The following CFAP47 variants were observed in gnomAD, a reference collection of about 807,000 sequenced individuals.
The protein encoded by CFAP47 is cilia and flagella associated protein 47.
In CFAP47, 29 loss-of-function variants were observed where a neutral mutation model predicts 148.1. That is an observed-to-expected ratio of 0.20 (90% CI 0.15 to 0.27). CFAP47 has a LOEUF of 0.27. Ranked by LOEUF, CFAP47 falls within the 10% of genes least tolerant of loss-of-function variation. The pLI, the probability that CFAP47 is intolerant of heterozygous loss-of-function variation, is 1.00. For synonymous variants in CFAP47, 664 were observed against 577.3 expected, an observed-to-expected ratio of 1.15 and a Z score of -2.15; for missense variants, 1,872 against 1,697.5, an observed-to-expected ratio of 1.10 and a Z score of -1.81.
chrX:36,176,713 G>A (rs187791398), intron 39 of CFAP47, among the ~76,000 whole-genome samples: 56 of 111,655 alleles, frequency 5.0e-4, no homozygotes, highest in African/African-American at 1.6e-3. Flanking sequence ...AGACCAGCCT[G>A]GCCAACATGG....
intron 49 of CFAP47, among the ~76,000 whole-genome samples, chrX:36,258,099 C>A (rs1172947483): frequency 8.9e-6 from 1 of 112,109 alleles, no homozygotes; most frequent in African/African-American, 3.2e-5. Context: ...CTTAACACAA[C>A]TGTAAACTTT....
intron 57 of CFAP47, among the ~76,000 whole-genome samples, chrX:36,341,390 T>C (rs1941652306): frequency 1.8e-5 from 2 of 111,364 alleles, no homozygotes; most frequent in Admixed American, 9.6e-5. Context: ...CCATTTCTAA[T>C]GCCACAGTAA....
At chrX:36,354,309 G>A (rs782020879) in intron 60 of CFAP47, among the ~76,000 whole-genome samples, 2 of 108,331 alleles carry the variant, frequency 1.8e-5, no homozygotes, top group Non-Finnish European at 3.8e-5. Context: ...GAGAAACCCC[G>A]TCTCTACTAA....
chrX:36,015,558 T>C (rs1937087710), intron 22 of CFAP47, among the ~76,000 whole-genome samples: 1 of 111,517 alleles, frequency 9.0e-6, no homozygotes, highest in Non-Finnish European at 1.9e-5. Flanking sequence ...GGGAGTATCA[T>C]ATCAGTTAAT....
At position 36,219,821 on chromosome X, in the gene CFAP47, T is replaced by C. The variant is rs1940195867; in HGVS notation, c.6818-8807T>C. ...GAACCAATGCACATCTTACACATAT[T>C]GATTGATGTCTCATGTCTCTCTAAA... is the stretch of plus-strand genomic sequence containing the variant. On this transcript the variant is annotated intron_variant, in intron 45 of 63. Coordinates refer to ENST00000378653, the MANE Select transcript of CFAP47 (RefSeq NM_001304548.2). Among the ~76,000 whole-genome samples the C allele has an allele frequency of 2.7e-5, 3 of 111,522 alleles. No individual in the cohort carries two copies. In the Admixed American group the frequency reaches 2.9e-4, roughly 11 times the overall value.
intron 49 of CFAP47, among the ~76,000 whole-genome samples, chrX:36,261,767 C>T (rs1556000148): frequency 9.0e-6 from 1 of 111,436 alleles, no homozygotes; most frequent in East Asian, 2.8e-4. Flanking sequence ...TCTATCTTTT[C>T]CCCACCTTTC....
intron 26 of CFAP47, among the ~76,000 whole-genome samples, chrX:36,057,723 C>T (rs1344199374): frequency 9.0e-6 from 1 of 111,144 alleles, no homozygotes; most frequent in Non-Finnish European, 1.9e-5. Context: ...CTCTGTTATT[C>T]TCTTGGCAAC....
At chrX:36,138,526 C>T (rs940521127) in intron 35 of CFAP47, 62 bp downstream of exon 35, 1 of 1,052,758 alleles carries the variant, frequency 9.5e-7, no homozygotes, top group East Asian at 3.7e-5. Flanking sequence ...ATAGCTTGCT[C>T]ATTTATAATA....
At chrX:36,096,835 C>A (rs1004789708) in intron 30 of CFAP47, among the ~76,000 whole-genome samples, 1 of 111,221 alleles carries the variant, frequency 9.0e-6, no homozygotes, top group Non-Finnish European at 1.9e-5. Context: ...AGTCCATTTA[C>A]ATTCAATGCT....
chrX:36,142,733 G>T (rs989051827), intron 35 of CFAP47, among the ~76,000 whole-genome samples: 4 of 111,160 alleles, frequency 3.6e-5, no homozygotes, highest in Non-Finnish European at 5.7e-5. Flanking sequence ...ATTTTTCAAA[G>T]TTTAGCTTTT....
chrX:36,176,093 C>T (rs895085242), intron 39 of CFAP47, among the ~76,000 whole-genome samples: 1 of 113,179 alleles, frequency 8.8e-6, no homozygotes. Flanking sequence ...CTTTCTTTGA[C>T]TAGGAAAGGG....
At chrX:36,289,584 A>G (rs1556005260) in intron 51 of CFAP47, among the ~76,000 whole-genome samples, 1 of 111,765 alleles carries the variant, frequency 8.9e-6, no homozygotes, top group Non-Finnish European at 1.9e-5. Flanking sequence ...AATATTCTAT[A>G]AAAGTTAGAA....
At chrX:36,270,098 T>A (rs181167601) in intron 49 of CFAP47, among the ~76,000 whole-genome samples, 1 of 111,978 alleles carries the variant, frequency 8.9e-6, no homozygotes, top group East Asian at 2.8e-4. Context: ...GTTTTGGCAA[T>A]TAAAAATATA....
chrX:35,966,356 A>C (rs959767093), intron 8 of CFAP47, among the ~76,000 whole-genome samples: 5 of 103,866 alleles, frequency 4.8e-5, no homozygotes, highest in Non-Finnish European at 9.8e-5. Context: ...AAAAATAAAA[A>C]ATTTTAATAA....
At chrX:36,058,131 A>G (rs958169613) in intron 26 of CFAP47, among the ~76,000 whole-genome samples, 1 of 112,101 alleles carries the variant, frequency 8.9e-6, no homozygotes, top group Non-Finnish European at 1.9e-5. Context: ...ATTTTCTGCT[A>G]CATTCAAACT....
intron 40 of CFAP47, among the ~76,000 whole-genome samples, chrX:36,183,147 T>G (rs184707992): frequency 3.0e-4 from 34 of 111,549 alleles, no homozygotes; most frequent in African/African-American, 1.1e-3. Context: ...CTGTCTCTAC[T>G]AAAAATACAA....
intron 30 of CFAP47, among the ~76,000 whole-genome samples, chrX:36,095,507 G>C: frequency 9.0e-6 from 1 of 111,107 alleles, no homozygotes; most frequent in Non-Finnish European, 1.9e-5. Context: ...ACGCCATTTG[G>C]TCCTGGGCTT....
rs148780003 is a variant in CFAP47, at chrX:36,168,931, G to C, written c.6026+8162G>C. 3.4e-3 allele frequency among the ~76,000 whole-genome samples: 376 copies of C among 111,784 alleles called. 3 individuals are homozygous for C. Among genetic ancestry groups the C allele is most frequent in the Middle Eastern group, 0.014 (3 of 216 alleles). On this transcript the variant is annotated intron_variant, in intron 39 of 63. Transcript: ENST00000378653. ...GCCACAGTTCTGCTAGTAATGAATTGTTTTAGTTATTCTTTACTTTAGAAT... is the reference window on the plus strand; with the variant it reads ...GCCACAGTTCTGCTAGTAATGAATTCTTTTAGTTATTCTTTACTTTAGAAT...
At chrX:35,930,520 A>G (rs1935811401) in intron 2 of CFAP47, among the ~76,000 whole-genome samples, 1 of 111,593 alleles carries the variant, frequency 9.0e-6, no homozygotes, top group South Asian at 3.7e-4. Flanking sequence ...GAGCTTATTT[A>G]ATATTGATAG....
Sources: allele counts gnomAD v4.1 joint callset (sites outside exome capture counted in the v4.1 genomes callset), GRCh38; gene constraint gnomAD v4.1.1; transcripts MANE v1.5; gene names NCBI Gene and HGNC (gene_info 2026-07-23, HGNC 2026-07-21).